PRDM5: variants seen among roughly 807,000 people sequenced by gnomAD.
PRDM5 encodes PR domain zinc finger protein 5.
Under a neutral mutation model 81.2 loss-of-function variants are expected in PRDM5, and 56 were observed. The ratio of observed to expected loss-of-function variants is 0.69; its 90% CI spans 0.56 to 0.86. The LOEUF (loss-of-function observed/expected upper bound fraction) is 0.86. Ranked by LOEUF, PRDM5 falls within the 40% of genes least tolerant of loss-of-function variation. The pLI, the probability that PRDM5 is intolerant of heterozygous loss-of-function variation, is 0.00. For synonymous variants in PRDM5, 267 were observed against 256.4 expected (o/e 1.04, Z -0.39); for missense variants, 697 against 770.1 (o/e 0.91, Z 1.12).
chr4:120,890,995 T>G (rs992200657), intron 2 of PRDM5, among the ~76,000 whole-genome samples: 9 of 152,216 alleles, frequency 5.9e-5, no homozygotes, highest in African/African-American at 1.9e-4. Context: ...CATTTGTCAA[T>G]TTTTGTTTTT....
chr4:120,899,793 C>T (rs1475668030), intron 2 of PRDM5, among the ~76,000 whole-genome samples: 1 of 152,210 alleles, frequency 6.6e-6, no homozygotes, highest in Non-Finnish European at 1.5e-5. Context: ...GACTGTCCTG[C>T]ACCAGGCAGT....
chr4:120,741,625 G>C (rs1011575928), intron 14 of PRDM5, among the ~76,000 whole-genome samples: 14 of 152,050 alleles, frequency 9.2e-5, no homozygotes, highest in African/African-American at 3.4e-4. Context: ...GAAGCACAAA[G>C]GGTCAGGGAG....
chr4:120,703,436 T>A (rs1452360781), intron 15 of PRDM5, among the ~76,000 whole-genome samples: 1 of 152,140 alleles, frequency 6.6e-6, no homozygotes, highest in Non-Finnish European at 1.5e-5. Context: ...ACGATCCTCC[T>A]GCCTCGGCCT....
chr4:120,863,496 T>C (rs1028635351), intron 2 of PRDM5, among the ~76,000 whole-genome samples: 1 of 152,102 alleles, frequency 6.6e-6, no homozygotes, highest in Non-Finnish European at 1.5e-5. Flanking sequence ...GAAAATGGGA[T>C]ACAAATTTGC....
chr4:120,808,842 G>A (rs1319817975), intron 8 of PRDM5, among the ~76,000 whole-genome samples: 1 of 152,190 alleles, frequency 6.6e-6, no homozygotes, highest in African/African-American at 2.4e-5. Flanking sequence ...GGGTTTGCGG[G>A]CTGGCCGGCT....
chr4:120,807,414 A>G (rs757730513), intron 8 of PRDM5, among the ~76,000 whole-genome samples: 3 of 152,388 alleles, frequency 2.0e-5, no homozygotes, highest in Middle Eastern at 3.4e-3. Context: ...ATGCACACGT[A>G]TGTTTATTGC....
chr4:120,734,012 G>A (rs1426983304), intron 14 of PRDM5, among the ~76,000 whole-genome samples: 2 of 152,112 alleles, frequency 1.3e-5, no homozygotes, highest in Non-Finnish European at 2.9e-5. Flanking sequence ...GAGAGGGACT[G>A]CTTTATTTGT....
intron 15 of PRDM5, among the ~76,000 whole-genome samples, chr4:120,706,837 A>G (rs1406192101): frequency 6.7e-6 from 1 of 150,164 alleles, no homozygotes; most frequent in Non-Finnish European, 1.5e-5. Flanking sequence ...TTAAATGAAC[A>G]AACTTCTAGA....
chr4:120,902,861 G>A (rs1481576213), intron 2 of PRDM5, among the ~76,000 whole-genome samples: 1 of 152,112 alleles, frequency 6.6e-6, no homozygotes, highest in East Asian at 1.9e-4. Context: ...GAGAGAGGTG[G>A]CAGTAGATAT....
intron 2 of PRDM5, among the ~76,000 whole-genome samples, chr4:120,899,186 T>C (rs1303464784): frequency 2.6e-5 from 4 of 152,102 alleles, no homozygotes; most frequent in Admixed American, 2.6e-4. Flanking sequence ...TTGGTTACCA[T>C]ACCTCAGAAA....
rs763274308 is a variant in PRDM5, at chr4:120,785,003, T to G, written c.1277A>C (p.His426Pro). 1 of 1,590,540 alleles carries G rather than the reference T, an allele frequency of 6.3e-7. No homozygotes were observed. Among genetic ancestry groups the G allele is most frequent in the Non-Finnish European group, 8.6e-7 (1 of 1,158,616 alleles). The part of the protein sequence containing the change: ...PFSLQRHLLI[H>P]NSERTFKCHH... ...CTGCCTGAATCGTGACTTACTGTTA[T>G]GTATTAGCAGGTGTCTCTGTAAAGA... Residue 426 changes from histidine (H) to proline (P), a missense_variant, in exon 11 of 16, where the codon CAT becomes CCT. This residue lies in a region of PRDM5 where 577 missense variants were observed against 606.7 expected (regional missense o/e 0.95). Coordinates refer to ENST00000264808, the MANE Select transcript of PRDM5 (RefSeq NM_018699.4).
chr4:120,909,457 T>G (rs1028674143), intron 1 of PRDM5, among the ~76,000 whole-genome samples: 1 of 152,204 alleles, frequency 6.6e-6, no homozygotes, highest in African/African-American at 2.4e-5. Context: ...GTAATAAATG[T>G]GAGGGTTAAA....
chr4:120,725,811 G>C (rs1192823751), intron 14 of PRDM5, among the ~76,000 whole-genome samples: 1 of 152,062 alleles, frequency 6.6e-6, no homozygotes, highest in African/African-American at 2.4e-5. Flanking sequence ...CACTGTATGT[G>C]TCAGCCTGTA....
intron 2 of PRDM5, among the ~76,000 whole-genome samples, chr4:120,886,209 A>G (rs531830448): frequency 1.0e-4 from 16 of 152,400 alleles, no homozygotes; most frequent in Admixed American, 4.6e-4. Flanking sequence ...TTTGGACCCC[A>G]TAACAAAATG....
intron 15 of PRDM5, among the ~76,000 whole-genome samples, chr4:120,710,054 A>G (rs1349362429): frequency 1.5e-4 from 23 of 152,232 alleles, no homozygotes; most frequent in Admixed American, 1.5e-3. Flanking sequence ...GTATTAAAAC[A>G]GGGTACAAGC....
chr4:120,712,194 G>A (rs1033766931), intron 14 of PRDM5, among the ~76,000 whole-genome samples: 13 of 152,130 alleles, frequency 8.5e-5, no homozygotes, highest in African/African-American at 3.1e-4. Context: ...GCTGAGGCAG[G>A]AGAATCGCTT....
At chr4:120,723,388 G>C (rs1330571608) in intron 14 of PRDM5, among the ~76,000 whole-genome samples, 1 of 152,162 alleles carries the variant, frequency 6.6e-6, no homozygotes, top group Non-Finnish European at 1.5e-5. Context: ...AAGGAATGCT[G>C]GTTAAGTGAA....
intron 3 of PRDM5, among the ~76,000 whole-genome samples, chr4:120,832,104 T>A (rs1235661640): frequency 1.3e-5 from 2 of 152,116 alleles, no homozygotes; most frequent in African/African-American, 4.8e-5. Flanking sequence ...CCAAATTCTA[T>A]TAGTCCATTC....
At chr4:120,789,142 T>A (rs1368811791) in intron 10 of PRDM5, among the ~76,000 whole-genome samples, 1 of 152,148 alleles carries the variant, frequency 6.6e-6, no homozygotes, top group African/African-American at 2.4e-5. Context: ...CATCTCCCAA[T>A]GTAACAAATG....
Sources: allele counts gnomAD v4.1 joint callset (sites outside exome capture counted in the v4.1 genomes callset), GRCh38; gene constraint gnomAD v4.1.1; regional missense constraint gnomAD v4.1.1; transcripts MANE v1.5; gene names NCBI Gene and HGNC (gene_info 2026-07-23, HGNC 2026-07-21).